The following ASRGL1 variants were observed in gnomAD, a reference collection of about 807,000 sequenced individuals.
The protein encoded by ASRGL1 is isoaspartyl peptidase/L-asparaginase.
A neutral mutation model predicts 22.4 loss-of-function variants in ASRGL1; 16 were observed. The observed-to-expected ratio is 0.71, with a 90% confidence interval of 0.48 to 1.08. The LOEUF is 1.08. ASRGL1 is among the 50% of genes least tolerant of loss of function. The probability of loss-of-function intolerance (pLI) is 0.00; values close to 1 mark genes in which losing one functional copy is unlikely to be tolerated. For missense variants in ASRGL1, 412 were observed against 410.1 expected (o/e 1.00, Z -0.04); for synonymous variants, 165 against 159.3 (o/e 1.04, Z -0.27).
chr11:62,385,008 T>C (rs1169900448), intron 4 of ASRGL1, among the ~76,000 whole-genome samples: 3 of 146,108 alleles, frequency 2.1e-5, no homozygotes, highest in Non-Finnish European at 3.0e-5. Flanking sequence ...AGTAACAGGA[T>C]AGAACATACT....
intron 4 of ASRGL1, among the ~76,000 whole-genome samples, chr11:62,380,201 T>A (rs939368630): frequency 7.2e-5 from 11 of 152,148 alleles, no homozygotes; most frequent in Admixed American, 3.3e-4. Flanking sequence ...TTACATCTGA[T>A]CCTGTGGGAA....
At chr11:62,364,983 C>G (rs952054362) in intron 4 of ASRGL1, among the ~76,000 whole-genome samples, 1 of 150,822 alleles carries the variant, frequency 6.6e-6, no homozygotes, top group Non-Finnish European at 1.5e-5. Flanking sequence ...GCAGTGGAAT[C>G]GCTTGAACCT....
intron 4 of ASRGL1, among the ~76,000 whole-genome samples, chr11:62,364,275 ATG>A (rs1344007302): frequency 6.6e-6 from 1 of 151,546 alleles, no homozygotes; most frequent in African/African-American, 2.4e-5. Flanking sequence ...GTGTGCGTGT[ATG>A]TGTGTGTGTT....
intron 4 of ASRGL1, among the ~76,000 whole-genome samples, chr11:62,378,724 G>A (rs906927559): frequency 6.6e-6 from 1 of 152,104 alleles, no homozygotes. Context: ...ATTCCAAGGC[G>A]AGAACGAAGG....
chr11:62,363,544 C>G (rs1465817792), intron 4 of ASRGL1, among the ~76,000 whole-genome samples: 1 of 152,042 alleles, frequency 6.6e-6, no homozygotes. Context: ...CTGCATAGAC[C>G]TAGATACTGT....
rs1946804175 is a variant in ASRGL1, at chr11:62,372,625, A to G, written c.491+15481A>G. 6 of 895,162 alleles carry G rather than the reference A, an allele frequency of 6.7e-6. No individual in the cohort carries two copies. The Admixed American group carries it at 8.5e-5, about 13-fold the overall frequency. 55.5% of individuals were successfully genotyped at this position (895,162 alleles called of 1,614,324 possible). On this transcript the variant is annotated intron_variant, in intron 4 of 6. Transcript: ENST00000415229. ...ATGCGAGACGTGGCCTGTGGCGCTA[A>G]CCACATGCTGGTCCTGGACTCCCAG...
intron 5 of ASRGL1, chr11:62,389,572 T>A (rs937087473): frequency 7.6e-6 from 3 of 395,596 alleles, no homozygotes; most frequent in Non-Finnish European, 9.7e-6. Context: ...TAGCCACAGT[T>A]TCAGGATCTG....
intron 4 of ASRGL1, among the ~76,000 whole-genome samples, chr11:62,387,896 C>T (rs190868087): frequency 6.6e-6 from 1 of 152,218 alleles, no homozygotes. Flanking sequence ...CTGGGGTGTT[C>T]GTGTACAATT....
rs185670862 is a variant in ASRGL1 at position 62,391,450 on chromosome 11, A to G, written c.611-72A>G. Reference sequence around the variant, plus strand: ...ACCCTTCGCGATTTAACTTTCATGTAGCGTCCGACTTCTAATATGGATTTG... The same window carrying G: ...ACCCTTCGCGATTTAACTTTCATGTGGCGTCCGACTTCTAATATGGATTTG... On this transcript the variant is annotated intron_variant, in intron 5 of 6. Coordinates refer to ENST00000415229, the MANE Select transcript of ASRGL1 (RefSeq NM_001083926.2). 1.4e-4 allele frequency: 210 copies of G among 1,523,600 alleles called. 1 individual carries two copies. In the Admixed American group the frequency reaches 4.1e-3, roughly 30 times the overall value. The allele number at this position is 1,523,600 out of a possible 1,614,324, so 94.4% of individuals were successfully genotyped here.
intron 4 of ASRGL1, among the ~76,000 whole-genome samples, chr11:62,362,671 T>TATATATTATATAAAATATATA (rs1946496043): frequency 1.6e-5 from 1 of 60,978 alleles, no homozygotes; most frequent in East Asian, 4.1e-4. Flanking sequence ...AAATATATAA[T>TATATATTATATAAAATATATA]ATATATTATA....
At chr11:62,396,946 C>T (rs567355258), downstream of ASRGL1, among the ~76,000 whole-genome samples, 1 of 152,320 alleles carries the variant, frequency 6.6e-6, no homozygotes, top group Non-Finnish European at 1.5e-5. Context: ...AATACTGAGG[C>T]TCCTCTCAGC....
chr11:62,362,591 A>G (rs1396143960), intron 4 of ASRGL1, among the ~76,000 whole-genome samples: 2 of 31,686 alleles, frequency 6.3e-5, no homozygotes, highest in Admixed American at 4.8e-4. Context: ...TAAAATATAT[A>G]ATATATATTA....
At position 62,344,609 on chromosome 11, in the gene ASRGL1, T is replaced by G. The variant is rs547038067; in HGVS notation, c.190+6442T>G. Among the ~76,000 whole-genome samples the G allele has an allele frequency of 5.9e-5, 9 of 152,170 alleles. No individual in the cohort carries two copies. In the South Asian group the frequency reaches 1.9e-3, roughly 32 times the overall value. On this transcript the variant is annotated intron_variant, in intron 2 of 6. Transcript: ENST00000415229. ...GATTCCATTTTTGGTTTTTTTTTTT[T>G]GTGGCTACATAGTAGGTGTATTTAC...
intron 2 of ASRGL1, among the ~76,000 whole-genome samples, chr11:62,350,899 C>G (rs1946152711): frequency 6.6e-6 from 1 of 152,134 alleles, no homozygotes; most frequent in South Asian, 2.1e-4. Flanking sequence ...GAGATTTAAA[C>G]CTGCTATTGT....
chr11:62,364,930 G>T (rs779056895), intron 4 of ASRGL1, among the ~76,000 whole-genome samples: 5 of 151,584 alleles, frequency 3.3e-5, no homozygotes, highest in Non-Finnish European at 7.4e-5. Context: ...TTAGCTGGGC[G>T]TGGTGGTGGG....
chr11:62,399,457 G>A, the ASRGL1 span, among the ~76,000 whole-genome samples: 3 of 152,212 alleles, frequency 2.0e-5, no homozygotes, highest in Non-Finnish European at 4.4e-5. Flanking sequence ...CCTTCAGACA[G>A]GAAGCCTCCT....
At chr11:62,356,937 A>C (rs1327187745) in intron 3 of ASRGL1, 50 bp from the exon 4 acceptor site, 1 of 1,550,980 alleles carries the variant, frequency 6.4e-7, no homozygotes, top group East Asian at 2.2e-5. Context: ...AGTTAAAAAG[A>C]TTTAAAATTT....
At chr11:62,349,688 G>A (rs1946124792) in intron 2 of ASRGL1, among the ~76,000 whole-genome samples, 2 of 152,144 alleles carry the variant, frequency 1.3e-5, no homozygotes, top group South Asian at 2.1e-4. Context: ...TGGATCTCAC[G>A]CAAGAAGGAC....
At chr11:62,375,661 G>T (rs912651343) in intron 4 of ASRGL1, among the ~76,000 whole-genome samples, 17 of 151,468 alleles carry the variant, frequency 1.1e-4, no homozygotes, top group African/African-American at 4.1e-4. Flanking sequence ...GTGGGGCCAG[G>T]TACCCATACA....
Sources: allele counts gnomAD v4.1 joint callset (sites outside exome capture counted in the v4.1 genomes callset), GRCh38; gene constraint gnomAD v4.1.1; transcripts MANE v1.5; gene names NCBI Gene and HGNC (gene_info 2026-07-23, HGNC 2026-07-21).